The following APLP2 variants were observed in gnomAD, a reference collection of about 807,000 sequenced individuals.
APLP2 encodes the protein amyloid beta precursor like protein 2, also known as CDEI box-binding protein.
APLP2 carries 53 observed loss-of-function variants against 89.9 expected under a neutral mutation model. The ratio of observed to expected loss-of-function variants is 0.59; its 90% CI spans 0.47 to 0.74. The LOEUF (loss-of-function observed/expected upper bound fraction) is 0.74, where lower values mean the gene tolerates loss of function less well. Among genes scored for constraint, APLP2 ranks in the 30% least tolerant of loss-of-function variants. APLP2 has a pLI of 0.00. For synonymous variants in APLP2, 372 were observed against 348.6 expected (o/e 1.07, Z -0.75); for missense variants, 973 against 975.9 (o/e 1.00, Z 0.04).
intron 2 of APLP2, 144 bp from the exon 3 acceptor site, chr11:130,110,394 T>C: frequency 1.0e-6 from 1 of 981,694 alleles, no homozygotes; most frequent in Middle Eastern, 3.1e-4. Flanking sequence ...TGACTTCAGT[T>C]AGAGCCAGGG....
Position 130,144,682 on chromosome 11 carries a change from CCCCTTTGA to C in APLP2, c.*1239_*1246del, listed in dbSNP as rs1952768023. ...TTGTTTTGTTTTTTTCCTTTTTCCTCCCCTTTGACCCTATTCATGTCTCTACCCACTAT... is the reference window on the plus strand; with the variant it reads ...TTGTTTTGTTTTTTTCCTTTTTCCTCCCCTATTCATGTCTCTACCCACTAT... On this transcript the variant is annotated 3_prime_UTR_variant, in exon 17 of 17. Transcript: ENST00000338167. The C allele has an allele frequency of 6.6e-6, 1 of 152,180 alleles. No individual in the cohort carries two copies. The highest frequency in any genetic ancestry group is 1.5e-5 in the Non-Finnish European group (1 of 67,976). The allele number at this position is 152,180 out of a possible 1,614,324, so 9.4% of individuals were successfully genotyped here.
Position 130,123,844 on chromosome 11 carries a change from C to A in APLP2, c.1090+65C>A. The A allele has an allele frequency of 6.4e-7, 1 of 1,562,670 alleles. No individual in the cohort carries two copies. The highest frequency in any genetic ancestry group is 1.2e-5 in the South Asian group (1 of 84,894). On this transcript the variant is annotated intron_variant, in intron 7 of 16. Coordinates refer to ENST00000338167, the MANE Select transcript of APLP2 (RefSeq NM_001142276.2). The surrounding 1 kb of genome is among the most constrained non-coding windows in gnomAD (Gnocchi z 4.0). ...TCCTGTCTGGCGTCCGTCTCCCTGCCGTCTTCGTGGCTGCATCTGTGTGGT... is the reference window on the plus strand; with the variant it reads ...TCCTGTCTGGCGTCCGTCTCCCTGCAGTCTTCGTGGCTGCATCTGTGTGGT...
chr11:130,133,415 G>T (rs560765625), intron 11 of APLP2, among the ~76,000 whole-genome samples: 1 of 152,136 alleles, frequency 6.6e-6, no homozygotes, highest in Non-Finnish European at 1.5e-5. Flanking sequence ...GAGCCACCAC[G>T]CCCAGGCTGA....
intron 1 of APLP2, among the ~76,000 whole-genome samples, chr11:130,099,836 A>G (rs561525965): frequency 6.6e-6 from 1 of 152,314 alleles, no homozygotes; most frequent in Non-Finnish European, 1.5e-5. Flanking sequence ...AATTGCAGCC[A>G]GAGAGTGGAA....
chr11:130,108,951 A>C (rs570024405), intron 1 of APLP2: 1 of 152,590 alleles, frequency 6.6e-6, no homozygotes, highest in East Asian at 1.9e-4. Flanking sequence ...TCGCAAGGAC[A>C]GAAGACCAAA....
rs1949097549 is a variant in APLP2 at position 130,115,837 on chromosome 11, T to C, written c.404-4869T>C. Among the ~76,000 whole-genome samples the C allele has an allele frequency of 1.3e-5, 2 of 152,214 alleles. 1 individual carries two copies. The highest frequency in any genetic ancestry group is 4.1e-4 in the South Asian group (2 of 4,834). ...TGAAATGATAGAGCGGATGCTGGGA[T>C]TGAAATGTGTTTCCTCTTTCAGTCT... On this transcript the variant is annotated intron_variant, in intron 3 of 16. Coordinates refer to ENST00000338167, the MANE Select transcript of APLP2 (RefSeq NM_001142276.2).
Position 130,079,920 on chromosome 11 carries a change from T to G in APLP2, c.105+9838T>G, listed in dbSNP as rs570548382. 2.8e-4 allele frequency among the ~76,000 whole-genome samples: 42 copies of G among 152,352 alleles called. 1 individual carries two copies. The East Asian group carries it at 7.5e-3, about 27-fold the overall frequency. ...ATATTCTAAGTTTGCCAAAGATTCT[T>G]GTCATGAATGAATGTTGAGTTTTTT... On this transcript the variant is annotated intron_variant, in intron 1 of 16. Coordinates refer to ENST00000338167, the MANE Select transcript of APLP2 (RefSeq NM_001142276.2).
At chr11:130,072,474 CTTTTTT>C (rs562054930) in intron 1 of APLP2, among the ~76,000 whole-genome samples, 6 of 110,294 alleles carry the variant, frequency 5.4e-5, no homozygotes, top group African/African-American at 1.8e-4. Flanking sequence ...GGAATATCGT[CTTTTTT>C]TTTTTTTTTT....
In APLP2 at chr11:130,123,560, C is replaced by T. The variant is rs1950056849; in HGVS notation, c.923-52C>T. 1.9e-6 allele frequency: 3 copies of T among 1,561,046 alleles called. No individual in the cohort carries two copies. Among genetic ancestry groups the T allele is most frequent in the Admixed American group, 1.8e-5 (1 of 56,098 alleles). ...CTCGCCAGCCTGTAGCATTTTGAAG[C>T]ATTTGACGTCACTGCCTCTGTCCTG... On this transcript the variant is annotated intron_variant, in intron 6 of 16. Coordinates refer to ENST00000338167, the MANE Select transcript of APLP2 (RefSeq NM_001142276.2). This position sits in a 1 kb window ranked among gnomAD's most constrained non-coding sequence, Gnocchi z 4.0.
chr11:130,070,861 G>C, intron 1 of APLP2: 1 of 1,045,956 alleles, frequency 9.6e-7, no homozygotes, highest in Non-Finnish European at 1.2e-6. Context: ...CAGTGGTTGT[G>C]CTTCGAGGTC....
At chr11:130,108,705 G>A (rs1264695408) in intron 1 of APLP2, 1 of 152,118 alleles carries the variant, frequency 6.6e-6, no homozygotes, top group East Asian at 1.9e-4. Context: ...CCCATTACTC[G>A]GTATGTACCC....
intron 1 of APLP2, chr11:130,100,155 C>T (rs1309995022): frequency 2.6e-5 from 4 of 152,164 alleles, no homozygotes; most frequent in African/African-American, 9.7e-5. Context: ...AAGTGAAGCC[C>T]AGAGAGGCTA....
chr11:130,080,757 C>T (rs570956725), intron 1 of APLP2, among the ~76,000 whole-genome samples: 2 of 143,046 alleles, frequency 1.4e-5, no homozygotes, highest in Non-Finnish European at 3.0e-5. Context: ...AGTGCAGTGG[C>T]GTGATCTCGG....
At chr11:130,099,004 C>A (rs193114591) in intron 1 of APLP2, among the ~76,000 whole-genome samples, 142 of 152,172 alleles carry the variant, frequency 9.3e-4, no homozygotes, top group African/African-American at 3.4e-3. Context: ...TTCTACATCC[C>A]CCCACCCCTG....
chr11:130,135,800 T>A, intron 13 of APLP2, 85 bp downstream of exon 13: 1 of 1,516,636 alleles, frequency 6.6e-7, no homozygotes, highest in Non-Finnish European at 9.0e-7. Flanking sequence ...AAAACCAAAT[T>A]GAGTTGGGAG....
rs553962550 is a variant in APLP2 at position 130,083,026 on chromosome 11, CTTTTTTTTTTT to C, written c.105+12961_105+12971del. Among the ~76,000 whole-genome samples, 40 of 72,526 alleles carry C rather than the reference CTTTTTTTTTTT, an allele frequency of 5.5e-4. 1 individual carries two copies. In the Middle Eastern group the frequency reaches 0.031, roughly 56 times the overall value. 47.6% of individuals were successfully genotyped at this position (72,526 alleles called of 152,430 possible). The stretch of plus-strand genomic sequence containing the variant: ...TATTAACCACTGAAACTTTTCTTTT[CTTTTTTTTTTT>C]TTTTTTTTTTTTTTTTGAGACACGG... On this transcript the variant is annotated intron_variant, in intron 1 of 16. Coordinates refer to ENST00000338167, the MANE Select transcript of APLP2 (RefSeq NM_001142276.2).
intron 1 of APLP2, chr11:130,108,488 A>G (rs1198297444): frequency 1.3e-5 from 2 of 152,234 alleles, no homozygotes; most frequent in African/African-American, 2.4e-5. Context: ...GAGAAATGCA[A>G]ATCAAAACCA....
rs61481686 is a variant in APLP2 at position 130,132,604 on chromosome 11, C to CTTTT, written c.1585-1013_1585-1010dup. Among the ~76,000 whole-genome samples the CTTTT allele has an allele frequency of 3.5e-3, 469 of 134,092 alleles. 2 individuals are homozygous for CTTTT. Among genetic ancestry groups the CTTTT allele is most frequent in the African/African-American group, 0.014 (447 of 32,032 alleles). The allele number at this position is 134,092 out of a possible 152,430, so 88.0% of individuals were successfully genotyped here. A position where few individuals can be genotyped will look rare whatever the true frequency, so the allele number is the denominator to read the frequency against. On this transcript the variant is annotated intron_variant, in intron 11 of 16. Transcript: ENST00000338167. ...AAAAATAGTGACCACTTCTAATGGC[C>CTTTT]TTTTTTTTTTTTTTTAAATAATGAA...
intron 10 of APLP2, 69 bp downstream of exon 10, chr11:130,129,275 G>T (rs1194616266): frequency 6.0e-6 from 9 of 1,492,082 alleles, no homozygotes; most frequent in South Asian, 4.0e-5. Flanking sequence ...TGACACTCAG[G>T]TCAGTAAAAG....
Sources: allele counts gnomAD v4.1 joint callset (sites outside exome capture counted in the v4.1 genomes callset), GRCh38; gene constraint gnomAD v4.1.1; non-coding constraint Gnocchi (gnomAD v3.1); transcripts MANE v1.5; gene names NCBI Gene and HGNC (gene_info 2026-07-23, HGNC 2026-07-21).